ZNF407: variants seen among roughly 807,000 people sequenced by gnomAD.
ZNF407 encodes zinc finger protein 407.
A neutral mutation model predicts 131.2 loss-of-function variants in ZNF407; 17 were observed. That is an observed-to-expected ratio of 0.13 (90% CI 0.09 to 0.19). ZNF407 has a LOEUF of 0.19. Ranked by LOEUF, ZNF407 falls within the 10% of genes least tolerant of loss-of-function variation. The pLI, the probability that ZNF407 is intolerant of heterozygous loss-of-function variation, is 1.00. For missense variants in ZNF407, 2,681 were observed against 2,830.6 expected, an observed-to-expected ratio of 0.95 and a Z score of 1.20; for synonymous variants, 1,156 against 1,062.0, an observed-to-expected ratio of 1.09 and a Z score of -1.72.
chr18:74,858,214 C>T lies in ZNF407; in HGVS notation c.4878-18983C>T, dbSNP rs140610535. On this transcript the variant is annotated intron_variant, in intron 4 of 8. Coordinates refer to ENST00000299687, the MANE Select transcript of ZNF407 (RefSeq NM_017757.3). ...TTTTCCTGCCTTCCTGCCTGCCTTC[C>T]TCATGACAGAAATAATGAATGTCCA... is the stretch of plus-strand genomic sequence containing the variant. 1.1e-4 allele frequency among the ~76,000 whole-genome samples: 17 copies of T among 150,944 alleles called. No homozygotes were observed. In the East Asian group the frequency reaches 2.9e-3, roughly 26 times the overall value.
At chr18:74,966,802 G>A (rs113645644) in intron 8 of ZNF407, among the ~76,000 whole-genome samples, 22 of 152,154 alleles carry the variant, frequency 1.4e-4, no homozygotes, top group African/African-American at 5.1e-4. Flanking sequence ...TGTGGAATAT[G>A]TTTTCATTTT....
intron 4 of ZNF407, among the ~76,000 whole-genome samples, chr18:74,837,774 T>C (rs900010938): frequency 6.6e-6 from 1 of 152,102 alleles, no homozygotes; most frequent in Non-Finnish European, 1.5e-5. Flanking sequence ...CACCTCAGCC[T>C]TCTGAGTAGC....
chr18:75,033,850 A>T (rs1973273789), intron 8 of ZNF407, among the ~76,000 whole-genome samples: 1 of 151,962 alleles, frequency 6.6e-6, no homozygotes, highest in Admixed American at 6.6e-5. Context: ...AGAAACAGTG[A>T]TAAGAAATTG....
intron 8 of ZNF407, among the ~76,000 whole-genome samples, chr18:75,029,493 G>A (rs1054244561): frequency 2.0e-5 from 3 of 152,166 alleles, no homozygotes; most frequent in Admixed American, 1.3e-4. Flanking sequence ...ATGGGTGTTC[G>A]TTCTCACTGC....
intron 1 of ZNF407, among the ~76,000 whole-genome samples, chr18:74,624,830 C>G (rs556580677): frequency 2.0e-5 from 3 of 152,208 alleles, no homozygotes; most frequent in African/African-American, 7.2e-5. Flanking sequence ...TCCTACTTGC[C>G]CCCTCAACAA....
At chr18:74,605,277 A>T (rs1360074642) in intron 1 of ZNF407, among the ~76,000 whole-genome samples, 1 of 152,234 alleles carries the variant, frequency 6.6e-6, no homozygotes, top group Non-Finnish European at 1.5e-5. Context: ...ACTGGGAAGC[A>T]TGGGCCTTGC....
chr18:74,929,730 C>T (rs1971960157), intron 8 of ZNF407, among the ~76,000 whole-genome samples: 1 of 152,164 alleles, frequency 6.6e-6, no homozygotes, highest in Admixed American at 6.5e-5. Context: ...TAAAGAATAG[C>T]ATGACAAGTC....
At chr18:74,782,780 G>A (rs913288583) in intron 4 of ZNF407, among the ~76,000 whole-genome samples, 8 of 151,912 alleles carry the variant, frequency 5.3e-5, no homozygotes, top group Admixed American at 1.3e-4. Flanking sequence ...CACCACCTCC[G>A]GCTAATTTTT....
chr18:75,029,024 T>C (rs915035117), intron 8 of ZNF407, among the ~76,000 whole-genome samples: 7 of 152,216 alleles, frequency 4.6e-5, no homozygotes, highest in Admixed American at 3.9e-4. Flanking sequence ...GGTGCCTTTG[T>C]TGTAGTCACG....
chr18:74,997,711 A>G (rs1386577715), intron 8 of ZNF407, among the ~76,000 whole-genome samples: 9 of 152,064 alleles, frequency 5.9e-5, no homozygotes, highest in African/African-American at 7.3e-5. Context: ...TTCTTCTCCT[A>G]TAAAGGCTGG....
intron 1 of ZNF407, among the ~76,000 whole-genome samples, chr18:74,614,450 C>T (rs1177580578): frequency 1.3e-5 from 2 of 152,206 alleles, no homozygotes; most frequent in African/African-American, 4.8e-5. Context: ...ACGTACAGTG[C>T]ATGCATGCTT....
At chr18:74,838,526 CTG>C (rs1471470013) in intron 4 of ZNF407, among the ~76,000 whole-genome samples, 3 of 152,238 alleles carry the variant, frequency 2.0e-5, no homozygotes, top group African/African-American at 7.2e-5. Context: ...ATCTAGACAA[CTG>C]TGTTGACAGT....
At chr18:74,945,349 C>T (rs186937603) in intron 8 of ZNF407, among the ~76,000 whole-genome samples, 171 of 152,226 alleles carry the variant, frequency 1.1e-3, no homozygotes, top group Non-Finnish European at 1.8e-3. Flanking sequence ...TGCTTTTTGT[C>T]GGTATCACAT....
chr18:74,663,529 A>G (rs1297961289), intron 3 of ZNF407, among the ~76,000 whole-genome samples: 1 of 152,148 alleles, frequency 6.6e-6, no homozygotes, highest in East Asian at 1.9e-4. Context: ...TAAGAATAGA[A>G]CGCAGGTCCC....
chr18:74,926,360 T>C (rs1319951496), intron 8 of ZNF407, among the ~76,000 whole-genome samples: 1 of 152,196 alleles, frequency 6.6e-6, no homozygotes, highest in East Asian at 1.9e-4. Flanking sequence ...AGTAATGTAA[T>C]TGGTATCCAG....
At chr18:74,762,176 T>C (rs1286598009) in intron 3 of ZNF407, among the ~76,000 whole-genome samples, 4 of 152,016 alleles carry the variant, frequency 2.6e-5, no homozygotes, top group Non-Finnish European at 5.9e-5. Context: ...ATCTCAAATA[T>C]AATTTAGGAA....
chr18:75,014,925 C>T (rs1057231258), intron 8 of ZNF407, among the ~76,000 whole-genome samples: 3 of 152,044 alleles, frequency 2.0e-5, no homozygotes, highest in African/African-American at 7.2e-5. Flanking sequence ...AAGAAACATA[C>T]ATCATGTTAC....
intron 3 of ZNF407, among the ~76,000 whole-genome samples, chr18:74,704,926 A>G (rs1967589377): frequency 6.6e-6 from 1 of 152,210 alleles, no homozygotes; most frequent in Admixed American, 6.5e-5. Context: ...GTAGGCTTGT[A>G]TGCTTTTACA....
At chr18:74,742,129 C>T (rs1280998651) in intron 3 of ZNF407, among the ~76,000 whole-genome samples, 1 of 152,144 alleles carries the variant, frequency 6.6e-6, no homozygotes, top group East Asian at 1.9e-4. Context: ...TCTTTACCCT[C>T]CTACTCTCTA....
Sources: allele counts gnomAD v4.1 joint callset (sites outside exome capture counted in the v4.1 genomes callset), GRCh38; gene constraint gnomAD v4.1.1; transcripts MANE v1.5; gene names NCBI Gene and HGNC (gene_info 2026-07-23, HGNC 2026-07-21).